Variants in ATP2A3 observed in about 807,000 individuals in gnomAD.
ATP2A3 encodes sarcoplasmic/endoplasmic reticulum calcium ATPase 3.
Under a neutral mutation model 106.8 loss-of-function variants are expected in ATP2A3, and 61 were observed. The ratio of observed to expected loss-of-function variants is 0.57; its 90% CI spans 0.46 to 0.71. The LOEUF (loss-of-function observed/expected upper bound fraction) is 0.71. ATP2A3 is among the 30% of genes least tolerant of loss of function. ATP2A3 has a pLI of 0.00. For missense variants in ATP2A3, 1,201 were observed against 1,423.5 expected (o/e 0.84, Z 2.52); for synonymous variants, 611 against 609.3 (o/e 1.00, Z -0.04).
chr17:3,925,314 C>A lies in ATP2A3; in HGVS notation c.*108G>T. On this transcript the variant is annotated 3_prime_UTR_variant, in exon 21 of 21. Transcript: ENST00000397041. The surrounding 1 kb of genome is among the most constrained non-coding windows in gnomAD (Gnocchi z 4.2). ...GGGCCTGTCATTTATCCGGCGGGACCCGGTGGGCAAGTGGGCGAGTGTGGT... is the reference window on the plus strand; with the variant it reads ...GGGCCTGTCATTTATCCGGCGGGACACGGTGGGCAAGTGGGCGAGTGTGGT... The A allele has an allele frequency of 6.3e-7, 1 of 1,593,144 alleles. No individual in the cohort carries two copies.
chr17:3,957,456 GT>G (rs1276909184), intron 1 of ATP2A3, among the ~76,000 whole-genome samples: 2 of 152,160 alleles, frequency 1.3e-5, no homozygotes, highest in African/African-American at 4.8e-5. Context: ...TGGGCTGGAT[GT>G]CCCCATCCCT....
chr17:3,931,513 G>A (rs1325400119), intron 17 of ATP2A3, among the ~76,000 whole-genome samples: 1 of 149,464 alleles, frequency 6.7e-6, no homozygotes, highest in Non-Finnish European at 1.5e-5. Context: ...TGAACATGGA[G>A]ATCTTTTTTC....
At chr17:3,956,796 T>A (rs1364419905) in intron 1 of ATP2A3, among the ~76,000 whole-genome samples, 1 of 152,212 alleles carries the variant, frequency 6.6e-6, no homozygotes, top group African/African-American at 2.4e-5. Flanking sequence ...TGAACCTGAC[T>A]GATACCCCCT....
chr17:3,944,943 G>A (rs1365796904), intron 9 of ATP2A3, 117 bp downstream of exon 9: 7 of 1,266,362 alleles, frequency 5.5e-6, no homozygotes, highest in African/African-American at 1.6e-5. Flanking sequence ...GCCCCGCCCC[G>A]GGAGAGGCTC....
In ATP2A3 at chr17:3,951,372, A is replaced by T. The variant is rs1332883982; in HGVS notation, c.342T>A (p.Ser114Arg). Residue 114 changes from serine to arginine, a missense_variant, in exon 5 of 21, where the codon AGT (serine) becomes AGA (arginine). By Grantham distance (110) the Ser-to-Arg change is moderately radical. Transcript: ENST00000397041. The stretch of plus-strand genomic sequence containing the variant: ...CATACTCCTTCAGGGCCTCGATGGC[A>T]CTCTCGGCGTTGCGTTCCTGCAGAA... ...VGVWQERNAE[S>R]AIEALKEYEP... is the part of the protein sequence containing the mutation. The T allele has an allele frequency of 6.2e-7, 1 of 1,613,150 alleles. No homozygotes were observed. Among genetic ancestry groups the T allele is most frequent in the Admixed American group, 1.7e-5 (1 of 59,994 alleles).
chr17:3,935,668 G>A (rs947777735), intron 16 of ATP2A3, among the ~76,000 whole-genome samples: 20 of 151,994 alleles, frequency 1.3e-4, no homozygotes, highest in African/African-American at 4.8e-4. Flanking sequence ...CTCCCGAGTA[G>A]GTGGGATTAC....
At position 3,930,399 on chromosome 17, in the gene ATP2A3, G is replaced by C. The variant is rs2053000766; in HGVS notation, c.2646C>G (p.Leu882=). 1 of 1,614,036 alleles carries C rather than the reference G, an allele frequency of 6.2e-7. No individual in the cohort carries two copies. Among genetic ancestry groups the C allele is most frequent in the Admixed American group, 1.7e-5 (1 of 60,018 alleles). ...ACACCTCACAGTCGATGCCGGCAAA[G>C]AGCGGGTTGTCTTCGGAGCACTTCA... ...NFLKCSEDNP[L]FAGIDCEVFE... is the part of the protein sequence containing the mutation. Residue 882 remains leucine (L), a synonymous_variant, in exon 18 of 21, where the codon CTC becomes CTG. Transcript: ENST00000397041. This position sits in a 1 kb window ranked among gnomAD's most constrained non-coding sequence, Gnocchi z 5.4.
Position 3,953,705 on chromosome 17 carries a change from G to T in ATP2A3, c.124C>A (p.Pro42Thr). 1 of 1,570,578 alleles carries T rather than the reference G, an allele frequency of 6.4e-7. No individual in the cohort carries two copies. The highest frequency in any genetic ancestry group is 2.4e-5 in the East Asian group (1 of 42,448). The change falls in exon 2 of 21, where the codon CCG (proline) becomes ACG (threonine). Residue 42 changes from proline (P) to threonine (T), a missense_variant. This residue lies in a region of ATP2A3 where 266 missense variants were observed against 246.8 expected (regional missense o/e 1.08). Coordinates refer to ENST00000397041, the MANE Select transcript of ATP2A3 (RefSeq NM_005173.4). The surrounding 1 kb of genome is among the most constrained non-coding windows in gnomAD (Gnocchi z 5.1). ...ARERYGPNEL[P>T]SEEGKSLWEL... ...GTGCCAGCCTCACCTTCCTCACTCG[G>T]GAGCTCTGCAGGATCCAGGCAGCCA...
At position 3,929,278 on chromosome 17, in the gene ATP2A3, G is replaced by A. The variant is rs1190233790; in HGVS notation, c.2862+50C>T. On this transcript the variant is annotated intron_variant, in intron 19 of 20. Coordinates refer to ENST00000397041, the MANE Select transcript of ATP2A3 (RefSeq NM_005173.4). The surrounding 1 kb of genome is among the most constrained non-coding windows in gnomAD (Gnocchi z 4.3). ...CAGAGAGGTCCAGTGACCAGCCCAGGGCCTGTGATGTCCAGGGACCAGGGC... is the reference window on the plus strand; with the variant it reads ...CAGAGAGGTCCAGTGACCAGCCCAGAGCCTGTGATGTCCAGGGACCAGGGC... 2 of 1,484,934 alleles carry A rather than the reference G, an allele frequency of 1.3e-6. No individual in the cohort carries two copies. The highest frequency in any genetic ancestry group is 2.5e-5 in the East Asian group (1 of 40,450). 92.0% of individuals were successfully genotyped at this position (1,484,934 alleles called of 1,614,324 possible).
At chr17:3,954,122 C>T (rs1444514425) in intron 1 of ATP2A3, among the ~76,000 whole-genome samples, 1 of 152,064 alleles carries the variant, frequency 6.6e-6, no homozygotes, top group Non-Finnish European at 1.5e-5. Flanking sequence ...CTTAGATGGC[C>T]GCAGAGTCCT....
At position 3,929,982 on chromosome 17, in the gene ATP2A3, C is replaced by T. The variant is rs955682567; in HGVS notation, c.2744+319G>A. Among the ~76,000 whole-genome samples the T allele has an allele frequency of 3.3e-5, 5 of 150,630 alleles. No homozygotes were observed. In the East Asian group the frequency reaches 7.8e-4, roughly 24 times the overall value. ...GACCCCAATCCTGGACCTCTCTTGA[C>T]CCCTAGACCCCAGTCTGGGATGCTC... On this transcript the variant is annotated intron_variant, in intron 18 of 20. Coordinates refer to ENST00000397041, the MANE Select transcript of ATP2A3 (RefSeq NM_005173.4). This position sits in a 1 kb window ranked among gnomAD's most constrained non-coding sequence, Gnocchi z 4.3.
rs1007535103 is a variant in ATP2A3 at position 3,924,955 on chromosome 17, C to G, written c.*467G>C. 5 of 410,534 alleles carry G rather than the reference C, an allele frequency of 1.2e-5. No individual in the cohort carries two copies. Among genetic ancestry groups the G allele is most frequent in the African/African-American group, 2.1e-5 (1 of 48,720 alleles). The allele number at this position is 410,534 out of a possible 1,614,324, so 25.4% of individuals were successfully genotyped here. ...GGCTGACCCAGTCCCAGACCAGGCA[C>G]GAAGAGAGAGGTCAGAGCCGGTAAG... On this transcript the variant is annotated 3_prime_UTR_variant, in exon 21 of 21. Transcript: ENST00000397041. The surrounding 1 kb of genome is among the most constrained non-coding windows in gnomAD (Gnocchi z 6.4).
Position 3,929,325 on chromosome 17 carries a change from C to G in ATP2A3, c.2862+3G>C, listed in dbSNP as rs779656108. On this transcript the variant is annotated splice_donor_region_variant and intron_variant, in intron 19 of 20. Transcript: ENST00000397041. The surrounding 1 kb of genome is among the most constrained non-coding windows in gnomAD (Gnocchi z 4.3). ...GGGCAGTGGGGCAGGCGGGGTGACTCACAGGCAGGGGCGGCACGAGCAGGA... is the reference window on the plus strand; with the variant it reads ...GGGCAGTGGGGCAGGCGGGGTGACTGACAGGCAGGGGCGGCACGAGCAGGA... 1 of 1,550,592 alleles carries G rather than the reference C, an allele frequency of 6.4e-7. No individual in the cohort carries two copies. The highest frequency in any genetic ancestry group is 8.7e-7 in the Non-Finnish European group (1 of 1,147,214).
intron 14 of ATP2A3, 147 bp downstream of exon 14, chr17:3,940,824 A>G: frequency 9.2e-7 from 1 of 1,088,792 alleles, no homozygotes; most frequent in Non-Finnish European, 1.4e-6. Flanking sequence ...AACATTATTT[A>G]AATTTCTTTT....
In ATP2A3 at chr17:3,926,868, C is replaced by T; in HGVS notation, c.2981-1427G>A. The T allele has an allele frequency of 1.0e-6, 1 of 985,436 alleles. No individual in the cohort carries two copies. Among genetic ancestry groups the T allele is most frequent in the Non-Finnish European group, 1.2e-6 (1 of 829,928 alleles). 61.0% of individuals were successfully genotyped at this position (985,436 alleles called of 1,614,324 possible). On this transcript the variant is annotated intron_variant, in intron 20 of 20. Coordinates refer to ENST00000397041, the MANE Select transcript of ATP2A3 (RefSeq NM_005173.4). This position sits in a 1 kb window ranked among gnomAD's most constrained non-coding sequence, Gnocchi z 4.6. ...ACAGGTGTGAGCCACTGCACCCGGC[C>T]CGTTAGTCTCACCCCCTCTTGCCTG...
At position 3,951,233 on chromosome 17, in the gene ATP2A3, G is replaced by A. The variant is rs2054406413; in HGVS notation, c.463+18C>T. ...TAAATAAAATAAAATAAAATAAAAG[G>A]AGGAGGCCCCGGCATACCTGCCACT... On this transcript the variant is annotated intron_variant, in intron 5 of 20. Coordinates refer to ENST00000397041, the MANE Select transcript of ATP2A3 (RefSeq NM_005173.4). The A allele has an allele frequency of 6.9e-7, 1 of 1,457,834 alleles. No homozygotes were observed. Among genetic ancestry groups the A allele is most frequent in the Non-Finnish European group, 9.1e-7 (1 of 1,102,604 alleles). The allele number at this position is 1,457,834 out of a possible 1,614,324, so 90.3% of individuals were successfully genotyped here. A position where few individuals can be genotyped will look rare whatever the true frequency, so the allele number is the denominator to read the frequency against.
rs1324305760 is a variant in ATP2A3 at position 3,958,749 on chromosome 17, C to CAT, written c.119-5041_119-5040dup. Among the ~76,000 whole-genome samples the CAT allele has an allele frequency of 2.2e-5, 3 of 134,906 alleles. 1 individual carries two copies. Among genetic ancestry groups the CAT allele is most frequent in the Non-Finnish European group, 4.5e-5 (3 of 66,462 alleles). 88.5% of individuals were successfully genotyped at this position (134,906 alleles called of 152,430 possible). The stretch of plus-strand genomic sequence containing the variant: ...ATATATACACATATATATAGACACA[C>CAT]ATATATATACACACACATATATATA... On this transcript the variant is annotated intron_variant, in intron 1 of 20. Transcript: ENST00000397041.
chr17:3,927,457 C>T (rs375515933), intron 20 of ATP2A3: 392 of 984,346 alleles, frequency 4.0e-4, no homozygotes, highest in Non-Finnish European at 4.5e-4. Context: ...TGGTCAAGGA[C>T]GGCCCAGAGG....
intron 17 of ATP2A3, among the ~76,000 whole-genome samples, chr17:3,931,781 A>G (rs1194222331): frequency 1.3e-5 from 2 of 152,164 alleles, no homozygotes; most frequent in Non-Finnish European, 2.9e-5. Flanking sequence ...TTGGCCTCCC[A>G]AAGTGCTGGG....
Sources: gnomAD v4.1 joint callset for allele counts (sites outside exome capture counted in the v4.1 genomes callset) on GRCh38, gnomAD v4.1.1 for gene constraint, gnomAD v4.1.1 regional missense constraint, Gnocchi (gnomAD v3.1) non-coding constraint, MANE v1.5 for transcripts, NCBI Gene and HGNC (gene_info 2026-07-23, HGNC 2026-07-21) for gene names.